The following RBMS3 variants were observed in gnomAD, a reference collection of about 807,000 sequenced individuals.
The protein encoded by RBMS3 is RNA binding motif single stranded interacting protein 3.
In RBMS3, 27 loss-of-function variants were observed where a neutral mutation model predicts 66.8. The ratio of observed to expected loss-of-function variants is 0.40; its 90% confidence interval spans 0.30 to 0.56. The LOEUF (loss-of-function observed/expected upper bound fraction) is 0.56, where lower values mean the gene tolerates loss of function less well. RBMS3 is among the 20% of genes least tolerant of loss of function. The pLI is 0.40. For missense variants in RBMS3, 513 were observed against 549.5 expected (o/e 0.93, Z 0.66); for synonymous variants, 188 against 183.0 (o/e 1.03, Z -0.22).
intron 3 of RBMS3, among the ~76,000 whole-genome samples, chr3:29,533,574 A>G (rs2045445086): frequency 6.6e-6 from 1 of 152,080 alleles, no homozygotes; most frequent in Admixed American, 6.5e-5. Flanking sequence ...TTAGGAGTTC[A>G]AGACCAGCCT....
chr3:29,702,958 C>T (rs1417864519), intron 4 of RBMS3, among the ~76,000 whole-genome samples: 1 of 152,138 alleles, frequency 6.6e-6, no homozygotes, highest in African/African-American at 2.4e-5. Flanking sequence ...TTGTTGGAAG[C>T]CCTAGAGTGG....
chr3:29,982,014 T>C (rs1032240377), intron 12 of RBMS3, among the ~76,000 whole-genome samples: 1 of 152,198 alleles, frequency 6.6e-6, no homozygotes, highest in Non-Finnish European at 1.5e-5. Context: ...AGCTCCTCTT[T>C]GTACCTCTGG....
chr3:29,449,197 A>G (rs1158648269), intron 2 of RBMS3, among the ~76,000 whole-genome samples: 1 of 152,202 alleles, frequency 6.6e-6, no homozygotes, highest in Non-Finnish European at 1.5e-5. Context: ...GAATTCTAAC[A>G]ATACAACATA....
intron 12 of RBMS3, among the ~76,000 whole-genome samples, chr3:29,971,992 A>G (rs1414760157): frequency 6.6e-6 from 1 of 152,196 alleles, no homozygotes; most frequent in East Asian, 1.9e-4. Flanking sequence ...GCCAAACATA[A>G]TTGAGATGAT....
chr3:29,958,537 T>C (rs757763365), intron 12 of RBMS3, among the ~76,000 whole-genome samples: 1 of 152,190 alleles, frequency 6.6e-6, no homozygotes, highest in African/African-American at 2.4e-5. Context: ...CGAACTTGGC[T>C]AGTTGAGGCA....
rs2058967708 is a variant in RBMS3 at position 29,852,729 on chromosome 3, A to G, written c.638-16129A>G. On this transcript the variant is annotated intron_variant, in intron 6 of 14. Transcript: ENST00000383767. ...GTTGGTAGGAGTGTAAGTTAGTTCA[A>G]CTATTGTGGAAAACAGTGTGGCAAT... 3.3e-5 allele frequency among the ~76,000 whole-genome samples: 5 copies of G among 152,336 alleles called. No homozygotes were observed. The South Asian group carries it at 1.0e-3, about 32-fold the overall frequency.
intron 12 of RBMS3, among the ~76,000 whole-genome samples, chr3:29,963,973 T>G (rs1696657765): frequency 6.6e-6 from 1 of 152,194 alleles, no homozygotes; most frequent in African/African-American, 2.4e-5. Context: ...TTCATCATAT[T>G]TCAAATTTGT....
At chr3:29,675,671 G>GA (rs2051216467) in intron 4 of RBMS3, among the ~76,000 whole-genome samples, 1 of 152,106 alleles carries the variant, frequency 6.6e-6, no homozygotes, top group Non-Finnish European at 1.5e-5. Context: ...ACAGACACAT[G>GA]AAAAAATGCT....
At chr3:29,866,077 TAAAAAAA>T (rs35591949) in intron 6 of RBMS3, among the ~76,000 whole-genome samples, 1 of 105,600 alleles carries the variant, frequency 9.5e-6, no homozygotes, top group Admixed American at 9.6e-5. Context: ...CACCAAATAC[TAAAAAAA>T]AAAAAAAAAA....
intron 2 of RBMS3, among the ~76,000 whole-genome samples, chr3:29,461,854 T>C (rs1278505368): frequency 2.0e-5 from 3 of 151,282 alleles, no homozygotes; most frequent in African/African-American, 7.3e-5. Context: ...CCCAGGTTCA[T>C]GCCATTCTCC....
intron 1 of RBMS3, among the ~76,000 whole-genome samples, chr3:29,400,055 C>G (rs1311287912): frequency 6.6e-6 from 1 of 152,046 alleles, no homozygotes; most frequent in Non-Finnish European, 1.5e-5. Context: ...AAGATTGGCA[C>G]ACCCAAGCAG....
intron 4 of RBMS3, among the ~76,000 whole-genome samples, chr3:29,596,178 A>G (rs1161193256): frequency 6.6e-6 from 1 of 152,204 alleles, no homozygotes; most frequent in Non-Finnish European, 1.5e-5. Flanking sequence ...ACTTTTAACC[A>G]ACTATAATTG....
intron 3 of RBMS3, among the ~76,000 whole-genome samples, chr3:29,535,673 G>T (rs2045524465): frequency 7.7e-6 from 1 of 130,648 alleles, no homozygotes; most frequent in African/African-American, 2.9e-5. Flanking sequence ...ATCAAATCAG[G>T]CATTTAAGTA....
chr3:29,449,304 G>T (rs1475502691), intron 2 of RBMS3, among the ~76,000 whole-genome samples: 1 of 152,096 alleles, frequency 6.6e-6, no homozygotes, highest in Non-Finnish European at 1.5e-5. Flanking sequence ...GCAAAAATGT[G>T]TTTTGTTTGT....
At chr3:29,793,754 C>A (rs1226438883) in intron 6 of RBMS3, among the ~76,000 whole-genome samples, 1 of 152,196 alleles carries the variant, frequency 6.6e-6, no homozygotes, top group East Asian at 1.9e-4. Context: ...GATGTATGGT[C>A]ATTCTTTGGT....
intron 12 of RBMS3, among the ~76,000 whole-genome samples, chr3:29,973,448 C>G (rs1697351932): frequency 6.6e-6 from 1 of 151,934 alleles, no homozygotes; most frequent in Non-Finnish European, 1.5e-5. Flanking sequence ...AATGAGTTCT[C>G]CAGGATACCC....
chr3:29,728,255 A>T (rs767538250), intron 4 of RBMS3, among the ~76,000 whole-genome samples: 9 of 152,144 alleles, frequency 5.9e-5, no homozygotes, highest in Non-Finnish European at 1.3e-4. Context: ...TACCTAACTC[A>T]TGCGAGGCTT....
chr3:29,564,493 A>G (rs1381528710), intron 3 of RBMS3, among the ~76,000 whole-genome samples: 3 of 152,030 alleles, frequency 2.0e-5, no homozygotes, highest in Non-Finnish European at 4.4e-5. Flanking sequence ...ATTAAAAAAA[A>G]AAAAAAAAAA....
At chr3:29,775,261 ATTTATT>A (rs2056384654) in intron 6 of RBMS3, among the ~76,000 whole-genome samples, 1 of 95,942 alleles carries the variant, frequency 1.0e-5, no homozygotes, top group African/African-American at 4.2e-5. Flanking sequence ...TTTATTTTTT[ATTTATT>A]TTTTTTTTTT....
Sources: gnomAD v4.1 joint callset for allele counts (sites outside exome capture counted in the v4.1 genomes callset) on GRCh38, gnomAD v4.1.1 for gene constraint, MANE v1.5 for transcripts, NCBI Gene and HGNC (gene_info 2026-07-23, HGNC 2026-07-21) for gene names.